FGFR2: variants seen among roughly 807,000 people sequenced by gnomAD.
The protein encoded by FGFR2 is BEK fibroblast growth factor receptor.
FGFR2 carries 19 observed loss-of-function variants against 95.9 expected under a neutral mutation model. The ratio of observed to expected loss-of-function variants is 0.20; its 90% CI spans 0.14 to 0.29. FGFR2 has a LOEUF of 0.29. Ranked by LOEUF, FGFR2 falls within the 10% of genes least tolerant of loss-of-function variation. The pLI is 1.00. For synonymous variants in FGFR2, 392 were observed against 393.3 expected, an observed-to-expected ratio of 1.00 and a Z score of 0.04; for missense variants, 707 against 1,056.9, an observed-to-expected ratio of 0.67 and a Z score of 4.59.
rs1845067646 is a variant in FGFR2, at chr10:121,483,814, T to C, written c.2196-11A>G. ...CTCATCATCATGTACCTGGGAAAAATGGATTTCCTTGAATTAATTTCATAT... is the reference window on the plus strand; with the variant it reads ...CTCATCATCATGTACCTGGGAAAAACGGATTTCCTTGAATTAATTTCATAT... On this transcript the variant is annotated splice_polypyrimidine_tract_variant and intron_variant, in intron 16 of 17. Transcript: ENST00000358487. 1.3e-6 allele frequency: 2 copies of C among 1,599,416 alleles called. No homozygotes were observed. The highest frequency in any genetic ancestry group is 2.7e-5 in the African/African-American group (2 of 74,598).
At chr10:121,511,800 C>A (rs897500333) in intron 9 of FGFR2, among the ~76,000 whole-genome samples, 7 of 152,216 alleles carry the variant, frequency 4.6e-5, no homozygotes, top group Admixed American at 4.6e-4. Context: ...TCAAAAAATT[C>A]ACGCTTACTA....
chr10:121,575,873 ATAAAAAT>A (rs1859649455), intron 2 of FGFR2, among the ~76,000 whole-genome samples: 1 of 147,764 alleles, frequency 6.8e-6, no homozygotes, highest in Admixed American at 6.9e-5. Context: ...AAATAAATAA[ATAAAAAT>A]AATAATAATT....
chr10:121,506,483 C>A (rs546003622), intron 9 of FGFR2, among the ~76,000 whole-genome samples: 2 of 152,202 alleles, frequency 1.3e-5, no homozygotes, highest in South Asian at 4.1e-4. Flanking sequence ...CACTGGATAC[C>A]AGTTTCCAGG....
At chr10:121,567,730 G>A (rs1857911497) in intron 2 of FGFR2, among the ~76,000 whole-genome samples, 1 of 152,252 alleles carries the variant, frequency 6.6e-6, no homozygotes, top group South Asian at 2.1e-4. Flanking sequence ...GCCAGCCGCA[G>A]CTTGTTTTTG....
At chr10:121,496,260 A>T (rs1269028261) in intron 13 of FGFR2, among the ~76,000 whole-genome samples, 4 of 151,966 alleles carry the variant, frequency 2.6e-5, no homozygotes, top group Non-Finnish European at 4.4e-5. Flanking sequence ...CCACCTGGAG[A>T]GCTGAATTCC....
chr10:121,489,940 C>G (rs1845910637), intron 13 of FGFR2, among the ~76,000 whole-genome samples: 1 of 152,168 alleles, frequency 6.6e-6, no homozygotes, highest in Admixed American at 6.5e-5. Flanking sequence ...CCTGAAATGA[C>G]TAGTCATGTC....
At chr10:121,480,907 A>G (rs911949908) in intron 17 of FGFR2, among the ~76,000 whole-genome samples, 55 of 152,240 alleles carry the variant, frequency 3.6e-4, no homozygotes, top group African/African-American at 1.3e-3. Context: ...TAACATTGGT[A>G]AGCGGTTGAA....
intron 2 of FGFR2, among the ~76,000 whole-genome samples, chr10:121,575,858 A>T (rs566488386): frequency 1.9e-4 from 28 of 149,340 alleles, no homozygotes; most frequent in Non-Finnish European, 3.0e-4. Flanking sequence ...TCATCTCAAA[A>T]AAATAAATAA....
At chr10:121,510,398 G>A (rs1345453571) in intron 9 of FGFR2, among the ~76,000 whole-genome samples, 1 of 152,170 alleles carries the variant, frequency 6.6e-6, no homozygotes, top group Non-Finnish European at 1.5e-5. Flanking sequence ...GGGCAGGGAG[G>A]ATGAGGTGCC....
At chr10:121,493,979 A>G (rs914716625) in intron 13 of FGFR2, among the ~76,000 whole-genome samples, 14 of 151,260 alleles carry the variant, frequency 9.3e-5, no homozygotes, top group Non-Finnish European at 1.8e-4. Flanking sequence ...CATTATCCCA[A>G]GAGCAAAATA....
chr10:121,503,695 T>C lies in FGFR2; in HGVS notation c.1439+95A>G, dbSNP rs41295589. On this transcript the variant is annotated intron_variant, in intron 10 of 17. Coordinates refer to ENST00000358487, the MANE Select transcript of FGFR2 (RefSeq NM_000141.5). ...CTGCTGACATCATCACACCAAGACCTTTGTGGCTAAGGGTCATAAAAAGAA... is the reference window on the plus strand; with the variant it reads ...CTGCTGACATCATCACACCAAGACCCTTGTGGCTAAGGGTCATAAAAAGAA... 662 of 1,398,466 alleles carry C rather than the reference T, an allele frequency of 4.7e-4. 4 individuals carry two copies. In the African/African-American group the frequency reaches 8.5e-3, roughly 18 times the overall value. The allele number at this position is 1,398,466 out of a possible 1,614,324, so 86.6% of individuals were successfully genotyped here.
In FGFR2 at chr10:121,479,567, G is replaced by A. The variant is rs3135824; in HGVS notation, c.*290C>T. ...AATTAACAAGGAAGGCAGAACGCAC[G>A]TCCACCTTGAGTCCTACTGGTCCAC... On this transcript the variant is annotated 3_prime_UTR_variant, in exon 18 of 18. Coordinates refer to ENST00000358487, the MANE Select transcript of FGFR2 (RefSeq NM_000141.5). The A allele has an allele frequency of 1.1e-5, 17 of 1,536,288 alleles. No individual in the cohort carries two copies. Among genetic ancestry groups the A allele is most frequent in the Admixed American group, 8.2e-5 (4 of 48,926 alleles).
chr10:121,491,563 T>C (rs1338991113), intron 13 of FGFR2, among the ~76,000 whole-genome samples: 4 of 152,082 alleles, frequency 2.6e-5, no homozygotes, highest in African/African-American at 4.8e-5. Flanking sequence ...GTGGGGAAGC[T>C]GGGGCTTCAC....
chr10:121,538,350 C>T (rs1214438168), intron 6 of FGFR2: 1 of 790,174 alleles, frequency 1.3e-6, no homozygotes, highest in Non-Finnish European at 2.3e-6. Context: ...ACCACGTCCA[C>T]TTTACACAGA....
intron 6 of FGFR2, among the ~76,000 whole-genome samples, chr10:121,534,091 CTTTTTT>C (rs1022674124): frequency 2.1e-4 from 19 of 92,102 alleles, no homozygotes; most frequent in Non-Finnish European, 2.9e-4. Flanking sequence ...CCCAAAATGG[CTTTTTT>C]TTTTTTTTTT....
intron 2 of FGFR2, among the ~76,000 whole-genome samples, chr10:121,589,118 G>A (rs1177974305): frequency 6.6e-6 from 1 of 152,200 alleles, no homozygotes. Context: ...ACAGTGGAGA[G>A]TAGCACACCA....
intron 2 of FGFR2, among the ~76,000 whole-genome samples, chr10:121,591,101 A>G (rs1363543304): frequency 6.6e-6 from 1 of 152,166 alleles, no homozygotes; most frequent in African/African-American, 2.4e-5. Flanking sequence ...TTTCTCATCT[A>G]TAATTCAATG....
At chr10:121,481,700 T>C (rs1844710978) in intron 17 of FGFR2, 1 of 228,910 alleles carries the variant, frequency 4.4e-6, no homozygotes, top group Admixed American at 5.7e-5. Context: ...GCTTTTTTAT[T>C]TTAGGGTACT....
rs2135113337 is a variant in FGFR2 at position 121,565,503 on chromosome 10, A to T, written c.311T>A (p.Leu104His). The T allele has an allele frequency of 6.2e-7, 1 of 1,614,240 alleles. No individual in the cohort carries two copies. Among genetic ancestry groups the T allele is most frequent in the Non-Finnish European group, 8.5e-7 (1 of 1,180,056 alleles). The change falls in exon 3 of 18, where the codon CTC (leucine) becomes CAC (histidine). Residue 104 changes from leucine to histidine, a missense_variant. Coordinates refer to ENST00000358487, the MANE Select transcript of FGFR2 (RefSeq NM_000141.5). ...IKGATPRDSG[L>H]YACTASRTVD... ...AGTCCTACTGGCAGTACAAGCATAG[A>T]GGCCGGAGTCTCTAGGCGTGGCGCC...
Sources: gnomAD v4.1 joint callset for allele counts (sites outside exome capture counted in the v4.1 genomes callset) on GRCh38, gnomAD v4.1.1 for gene constraint, MANE v1.5 for transcripts, NCBI Gene and HGNC (gene_info 2026-07-23, HGNC 2026-07-21) for gene names.